The following RBFOX1 variants were observed in gnomAD, a reference collection of about 807,000 sequenced individuals.
RBFOX1 encodes RNA binding protein fox-1 homolog 1.
RBFOX1 carries 8 observed loss-of-function variants against 57.7 expected under a neutral mutation model. The observed-to-expected ratio is 0.14, with a 90% CI of 0.08 to 0.25. The LOEUF is 0.25. Among genes scored for constraint, RBFOX1 ranks in the 10% least tolerant of loss-of-function variants. The pLI is 1.00. For synonymous variants in RBFOX1, 326 were observed against 222.4 expected, an observed-to-expected ratio of 1.47 and a Z score of -4.15; for missense variants, 611 against 548.5, an observed-to-expected ratio of 1.11 and a Z score of -1.14.
At chr16:7,079,525 T>C (rs1018990279) in intron 4 of RBFOX1, among the ~76,000 whole-genome samples, 2 of 152,180 alleles carry the variant, frequency 1.3e-5, no homozygotes, top group African/African-American at 2.4e-5. Context: ...CAAGTTCAGA[T>C]TGTAAATTCT....
chr16:6,565,653 G>C (rs1432365478), intron 2 of RBFOX1, among the ~76,000 whole-genome samples: 4 of 149,550 alleles, frequency 2.7e-5, no homozygotes, highest in Non-Finnish European at 5.9e-5. Context: ...ATTTTTAGTA[G>C]AGACGGGGGT....
chr16:6,312,500 C>T (rs1340932600), intron 1 of RBFOX1, among the ~76,000 whole-genome samples: 4 of 152,128 alleles, frequency 2.6e-5, no homozygotes, highest in African/African-American at 9.7e-5. Flanking sequence ...TTCGTCTGTT[C>T]TGAACATAGC....
At chr16:6,488,699 G>A (rs975979697) in intron 2 of RBFOX1, among the ~76,000 whole-genome samples, 7 of 152,098 alleles carry the variant, frequency 4.6e-5, no homozygotes, top group African/African-American at 7.2e-5. Flanking sequence ...GATACACTAC[G>A]TTAGGGTTTC....
At chr16:6,877,854 C>A (rs139080258) in intron 3 of RBFOX1, among the ~76,000 whole-genome samples, 56 of 152,228 alleles carry the variant, frequency 3.7e-4, no homozygotes, top group African/African-American at 7.0e-4. Context: ...CCCCAAAATA[C>A]CCATTCAAAG....
intron 4 of RBFOX1, chr16:7,431,079 C>G (rs564259023): frequency 5.1e-4 from 77 of 152,308 alleles, no homozygotes; most frequent in African/African-American, 1.8e-3. Context: ...GCAGCACCAG[C>G]TTTTCCATAA....
At chr16:5,533,510 C>T (rs1425001100) in intron 2 of RBFOX1, among the ~76,000 whole-genome samples, 1 of 152,114 alleles carries the variant, frequency 6.6e-6, no homozygotes, top group Admixed American at 6.5e-5. Context: ...GTGTGTATTA[C>T]AGAGATGCAA....
At chr16:6,566,452 T>C (rs2097267310) in intron 2 of RBFOX1, among the ~76,000 whole-genome samples, 1 of 152,154 alleles carries the variant, frequency 6.6e-6, no homozygotes, top group African/African-American at 2.4e-5. Flanking sequence ...CTCTTCTTAG[T>C]GAGCCTAGTT....
rs539169022 is a variant in RBFOX1, at chr16:7,551,088, C to CAAAA, written c.271-28675_271-28672dup. Among the ~76,000 whole-genome samples the CAAAA allele has an allele frequency of 1.1e-3, 87 of 76,652 alleles. 1 individual carries two copies. Among genetic ancestry groups the CAAAA allele is most frequent in the East Asian group, 3.0e-3 (9 of 2,988 alleles). The allele number at this position is 76,652 out of a possible 152,430, so 50.3% of individuals were successfully genotyped here. A position where few individuals can be genotyped will look rare whatever the true frequency, so the allele number is the denominator to read the frequency against. On this transcript the variant is annotated intron_variant, in intron 5 of 15. Coordinates refer to ENST00000550418, the MANE Select transcript of RBFOX1 (RefSeq NM_018723.4). ...CAGCCTGGGCAACAAGAGCGAGACT[C>CAAAA]AAAAAAAAAAAAAAAAAGAAAAAAA...
At chr16:5,262,692 T>C (rs1208562662) in intron 1 of RBFOX1, among the ~76,000 whole-genome samples, 1 of 152,170 alleles carries the variant, frequency 6.6e-6, no homozygotes, top group Non-Finnish European at 1.5e-5. Flanking sequence ...AAGGTTATAT[T>C]AGATAAGAGG....
intron 2 of RBFOX1, among the ~76,000 whole-genome samples, chr16:5,520,291 T>C (rs989130320): frequency 6.6e-6 from 1 of 152,192 alleles, no homozygotes; most frequent in Non-Finnish European, 1.5e-5. Context: ...AATTTTCATG[T>C]TCAGGTAGTA....
intron 1 of RBFOX1, among the ~76,000 whole-genome samples, chr16:5,339,256 T>G (rs2064974866): frequency 6.6e-6 from 1 of 152,036 alleles, no homozygotes; most frequent in Non-Finnish European, 1.5e-5. Flanking sequence ...TATTCCAGTT[T>G]CCCTGAGGTC....
At chr16:7,330,227 T>A (rs1167471773) in intron 4 of RBFOX1, among the ~76,000 whole-genome samples, 1 of 152,074 alleles carries the variant, frequency 6.6e-6, no homozygotes, top group Non-Finnish European at 1.5e-5. Context: ...AGGATTTGCA[T>A]ATAACCTATG....
chr16:6,353,201 T>C (rs1480416199), intron 2 of RBFOX1, among the ~76,000 whole-genome samples: 4 of 152,158 alleles, frequency 2.6e-5, no homozygotes, highest in South Asian at 4.1e-4. Context: ...TCCTCTACCA[T>C]TGAAGGACAA....
chr16:6,879,243 T>C (rs1380036283), intron 3 of RBFOX1, among the ~76,000 whole-genome samples: 1 of 152,202 alleles, frequency 6.6e-6, no homozygotes, highest in African/African-American at 2.4e-5. Flanking sequence ...TTTTATGGAA[T>C]TGGCTTTCAG....
chr16:7,529,086 C>T (rs1600979441), intron 5 of RBFOX1, among the ~76,000 whole-genome samples: 1 of 152,144 alleles, frequency 6.6e-6, no homozygotes, highest in East Asian at 1.9e-4. Flanking sequence ...TGGTGAAACC[C>T]TGTCTCGACA....
At chr16:7,370,667 G>A (rs775392879) in intron 4 of RBFOX1, among the ~76,000 whole-genome samples, 1 of 152,196 alleles carries the variant, frequency 6.6e-6, no homozygotes, top group East Asian at 1.9e-4. Flanking sequence ...GCTATGATCT[G>A]ATTATCTTGC....
chr16:7,692,117 A>C (rs930866124), intron 14 of RBFOX1, among the ~76,000 whole-genome samples: 6 of 152,178 alleles, frequency 3.9e-5, no homozygotes, highest in African/African-American at 1.4e-4. Flanking sequence ...ATGCGGCTCA[A>C]AAAGTCTGTG....
intron 4 of RBFOX1, among the ~76,000 whole-genome samples, chr16:7,262,942 G>A (rs766987285): frequency 3.2e-4 from 49 of 152,166 alleles, no homozygotes; most frequent in Non-Finnish European, 5.7e-4. Flanking sequence ...CACTGGACAA[G>A]AGAGTAAAAT....
chr16:5,912,068 C>G (rs1364140551), intron 4 of RBFOX1, among the ~76,000 whole-genome samples: 2 of 152,158 alleles, frequency 1.3e-5, no homozygotes, highest in African/African-American at 2.4e-5. Context: ...CAAGCGCCAT[C>G]TAAAGTAGAG....
Sources: allele counts gnomAD v4.1 joint callset (sites outside exome capture counted in the v4.1 genomes callset), GRCh38; gene constraint gnomAD v4.1.1; transcripts MANE v1.5; gene names NCBI Gene and HGNC (gene_info 2026-07-23, HGNC 2026-07-21).